NUDCD3: variants seen among roughly 807,000 people sequenced by gnomAD.
NUDCD3 encodes nudC domain-containing protein 3.
In NUDCD3, 13 loss-of-function variants were observed where a neutral mutation model predicts 39.7. That is an observed-to-expected ratio of 0.33 (90% CI 0.21 to 0.52). The LOEUF is 0.52. Among genes scored for constraint, NUDCD3 ranks in the 20% least tolerant of loss-of-function variants. The pLI is 0.96. For missense variants in NUDCD3, 453 were observed against 458.1 expected (o/e 0.99, Z 0.10); for synonymous variants, 175 against 172.4 (o/e 1.02, Z -0.12).
chr7:44,457,824 C>A lies in NUDCD3; in HGVS notation c.509+27144G>T, dbSNP rs902691913. Among the ~76,000 whole-genome samples the A allele has an allele frequency of 1.4e-4, 21 of 151,814 alleles. No homozygotes were observed. In the South Asian group the frequency reaches 2.3e-3, roughly 17 times the overall value. ...TCATGCCCACTAGAATAGCCACAAT[C>A]AAAAAAAATAGATAAGTTTTGGCAA... is the stretch of plus-strand genomic sequence containing the variant. On this transcript the variant is annotated intron_variant, in intron 2 of 5. Transcript: ENST00000355451.
At chr7:44,399,459 AG>A (rs1258505758) in intron 4 of NUDCD3, among the ~76,000 whole-genome samples, 2 of 152,258 alleles carry the variant, frequency 1.3e-5, no homozygotes, top group African/African-American at 4.8e-5. Flanking sequence ...TTTATGAAGA[AG>A]TATGTTAAGT....
chr7:44,430,572 A>T (rs879378489), intron 2 of NUDCD3, among the ~76,000 whole-genome samples: 9 of 123,240 alleles, frequency 7.3e-5, no homozygotes, highest in South Asian at 2.4e-4. Flanking sequence ...ACACACACTC[A>T]CACACACACA....
intron 2 of NUDCD3, among the ~76,000 whole-genome samples, chr7:44,445,190 C>G (rs1265315544): frequency 6.6e-6 from 1 of 152,236 alleles, no homozygotes; most frequent in East Asian, 1.9e-4. Flanking sequence ...ACATGCACCC[C>G]TGAACTGCAA....
chr7:44,419,894 A>C (rs1267570198), intron 3 of NUDCD3, among the ~76,000 whole-genome samples: 1 of 152,204 alleles, frequency 6.6e-6, no homozygotes, highest in Non-Finnish European at 1.5e-5. Flanking sequence ...TGAGGAAAAA[A>C]CCAGCACAAA....
chr7:44,446,919 C>T (rs1271295743), intron 2 of NUDCD3, among the ~76,000 whole-genome samples: 1 of 152,200 alleles, frequency 6.6e-6, no homozygotes, highest in African/African-American at 2.4e-5. Flanking sequence ...TGGCAATGTT[C>T]ATTACATTCA....
chr7:44,397,278 A>C (rs1798642275), intron 4 of NUDCD3, among the ~76,000 whole-genome samples: 1 of 152,192 alleles, frequency 6.6e-6, no homozygotes, highest in Admixed American at 6.5e-5. Flanking sequence ...TTGTTTGTGG[A>C]CATGTGGGCA....
At chr7:44,461,409 G>A (rs1013240803) in intron 2 of NUDCD3, among the ~76,000 whole-genome samples, 6 of 152,142 alleles carry the variant, frequency 3.9e-5, no homozygotes, top group African/African-American at 1.2e-4. Flanking sequence ...GAGGATAGAA[G>A]GGCAAGCTGC....
intron 2 of NUDCD3, among the ~76,000 whole-genome samples, chr7:44,464,522 C>T (rs1800082005): frequency 1.3e-5 from 2 of 151,866 alleles, no homozygotes; most frequent in African/African-American, 2.4e-5. Flanking sequence ...GGCACAATCT[C>T]GGCTCATTGC....
At chr7:44,407,512 C>A (rs1238809764) in intron 3 of NUDCD3, among the ~76,000 whole-genome samples, 1 of 149,418 alleles carries the variant, frequency 6.7e-6, no homozygotes, top group African/African-American at 2.5e-5. Context: ...TTGCGGTGAG[C>A]CGAGACTGCA....
intron 2 of NUDCD3, among the ~76,000 whole-genome samples, chr7:44,453,120 AG>A (rs202131871): frequency 2.0e-5 from 3 of 152,098 alleles, no homozygotes; most frequent in South Asian, 2.1e-4. Context: ...TGGGAAGCTG[AG>A]GGGGGCGGAT....
intron 2 of NUDCD3, among the ~76,000 whole-genome samples, chr7:44,480,491 T>C (rs1800465800): frequency 6.6e-6 from 1 of 152,206 alleles, no homozygotes; most frequent in South Asian, 2.1e-4. Context: ...CCTTCTCACT[T>C]AACATTATAT....
chr7:44,461,331 CTA>C (rs1800008981), intron 2 of NUDCD3, among the ~76,000 whole-genome samples: 1 of 152,208 alleles, frequency 6.6e-6, no homozygotes, highest in Non-Finnish European at 1.5e-5. Context: ...ATCTCCCACT[CTA>C]TATGTCTGAC....
At chr7:44,393,558 A>G (rs1218001238) in intron 4 of NUDCD3, among the ~76,000 whole-genome samples, 1 of 152,228 alleles carries the variant, frequency 6.6e-6, no homozygotes, top group Non-Finnish European at 1.5e-5. Flanking sequence ...GTGGCCAAGA[A>G]GCAACAGAGT....
chr7:44,470,296 TCA>T (rs774484406), intron 2 of NUDCD3, among the ~76,000 whole-genome samples: 17 of 152,154 alleles, frequency 1.1e-4, no homozygotes, highest in Admixed American at 2.6e-4. Flanking sequence ...GATCTGACCC[TCA>T]CTCTTCAGAA....
intron 2 of NUDCD3, among the ~76,000 whole-genome samples, chr7:44,471,132 G>T (rs901890980): frequency 2.6e-5 from 4 of 152,186 alleles, no homozygotes; most frequent in African/African-American, 9.7e-5. Flanking sequence ...GTTGTCCCTT[G>T]GTATTCACAG....
At chr7:44,401,738 G>A (rs1041014709) in intron 4 of NUDCD3, among the ~76,000 whole-genome samples, 16 of 152,282 alleles carry the variant, frequency 1.1e-4, no homozygotes, top group Admixed American at 9.8e-4. Context: ...ATTTCTACAA[G>A]CTCTTTGAGT....
chr7:44,402,786 G>T, intron 4 of NUDCD3: 1 of 437,908 alleles, frequency 2.3e-6, no homozygotes, highest in South Asian at 1.6e-5. Flanking sequence ...CCATGGAGAT[G>T]GCAACCCCAG....
In NUDCD3 at chr7:44,380,067, C is replaced by T. The variant is rs1798281389; in HGVS notation, c.*5944G>A. 1 of 152,298 alleles carries T rather than the reference C, an allele frequency of 6.6e-6. No homozygotes were observed. The highest frequency in any genetic ancestry group is 1.5e-5 in the Non-Finnish European group (1 of 68,096). The allele number at this position is 152,298 out of a possible 1,614,324, so 9.4% of individuals were successfully genotyped here. ...ACCTGCTTTAGGTATACCTTCCTACCAGGACATGAGAGCCCACAGTGGCTG... is the reference window on the plus strand; with the variant it reads ...ACCTGCTTTAGGTATACCTTCCTACTAGGACATGAGAGCCCACAGTGGCTG... On this transcript the variant is annotated 3_prime_UTR_variant, in exon 6 of 6. Coordinates refer to ENST00000355451, the MANE Select transcript of NUDCD3 (RefSeq NM_015332.4).
chr7:44,407,945 A>G (rs1017571966), intron 3 of NUDCD3, among the ~76,000 whole-genome samples: 1 of 152,162 alleles, frequency 6.6e-6, no homozygotes, highest in Non-Finnish European at 1.5e-5. Context: ...CCAAAGGAAA[A>G]TATGCCTCCA....
Sources: allele counts gnomAD v4.1 joint callset (sites outside exome capture counted in the v4.1 genomes callset), GRCh38; gene constraint gnomAD v4.1.1; transcripts MANE v1.5; gene names NCBI Gene and HGNC (gene_info 2026-07-23, HGNC 2026-07-21).